Variants in LAPTM5 observed in about 807,000 individuals in gnomAD.
LAPTM5 encodes lysosomal-associated transmembrane protein 5.
In LAPTM5, 11 loss-of-function variants were observed where a neutral mutation model predicts 30.1. That is an observed-to-expected ratio of 0.37 (90% CI 0.23 to 0.60). LAPTM5 has a LOEUF of 0.60. LAPTM5 is among the 20% of genes least tolerant of loss of function. The pLI, the probability that LAPTM5 is intolerant of heterozygous loss-of-function variation, is 0.71. For synonymous variants in LAPTM5, 151 were observed against 137.9 expected, an observed-to-expected ratio of 1.10 and a Z score of -0.67; for missense variants, 324 against 332.5, an observed-to-expected ratio of 0.97 and a Z score of 0.20.
Position 30,733,698 on chromosome 1 carries a change from G to A in LAPTM5, c.*130C>T. ...GCAGGAGGAGCAGGCCAGCGAGGGA[G>A]ACACAAGCAGATTGTCCTGCCAGGG... On this transcript the variant is annotated 3_prime_UTR_variant, in exon 8 of 8. Coordinates refer to ENST00000294507, the MANE Select transcript of LAPTM5 (RefSeq NM_006762.3). 6.5e-6 allele frequency: 10 copies of A among 1,533,516 alleles called. No homozygotes were observed. Among genetic ancestry groups the A allele is most frequent in the Non-Finnish European group, 8.7e-6 (10 of 1,145,366 alleles). 95.0% of individuals were successfully genotyped at this position (1,533,516 alleles called of 1,614,324 possible). A position where few individuals can be genotyped will look rare whatever the true frequency, so the allele number is the denominator to read the frequency against.
chr1:30,752,426 C>T (rs1261675568), intron 1 of LAPTM5, among the ~76,000 whole-genome samples: 1 of 152,222 alleles, frequency 6.6e-6, no homozygotes, highest in Non-Finnish European at 1.5e-5. Context: ...GTGGCCACCC[C>T]TCCTAACCCA....
intron 1 of LAPTM5, among the ~76,000 whole-genome samples, chr1:30,747,097 T>C (rs886898832): frequency 1.3e-5 from 2 of 152,112 alleles, no homozygotes; most frequent in African/African-American, 4.8e-5. Context: ...GGGTCCTTGA[T>C]GAGGGAGAGC....
At position 30,739,781 on chromosome 1, in the gene LAPTM5, C is replaced by T. The variant is rs764434051; in HGVS notation, c.387+28G>A. On this transcript the variant is annotated intron_variant, in intron 4 of 7. Transcript: ENST00000294507. This position sits in a 1 kb window ranked among gnomAD's most constrained non-coding sequence, Gnocchi z 4.2. ...CATGCCAGACCTGGGCTCTGCTGTC[C>T]GGTGAGAGGTGGGGGCTGGGTACTC... is the stretch of plus-strand genomic sequence containing the variant. The T allele has an allele frequency of 4.7e-5, 74 of 1,569,966 alleles. No homozygotes were observed. The highest frequency in any genetic ancestry group is 2.8e-4 in the East Asian group (12 of 42,318).
At chr1:30,735,315 G>A (rs116352948) in intron 6 of LAPTM5, 50 bp from the exon 7 acceptor site, 20,162 of 1,464,352 alleles carry the variant, frequency 0.014, 172 homozygotes, top group Non-Finnish European at 0.015. Flanking sequence ...TCCTTCTCAC[G>A]CTCCAGCAGG....
intron 1 of LAPTM5, among the ~76,000 whole-genome samples, chr1:30,754,408 C>T (rs12117692): frequency 0.16 from 24,511 of 151,994 alleles, 2,559 homozygotes; most frequent in Admixed American, 0.29. Context: ...TGGTGGCATG[C>T]GCCTGTGATC....
At chr1:30,735,112 T>C in intron 7 of LAPTM5, 61 bp downstream of exon 7, 1 of 1,226,164 alleles carries the variant, frequency 8.2e-7, no homozygotes. Flanking sequence ...GGAAGGAAAC[T>C]TGACCCAAAT....
intron 6 of LAPTM5, among the ~76,000 whole-genome samples, chr1:30,736,807 C>A (rs1355580004): frequency 6.6e-6 from 1 of 152,156 alleles, no homozygotes; most frequent in Non-Finnish European, 1.5e-5. Context: ...TTTTTAAAAG[C>A]CCTTCCTTCT....
At position 30,739,369 on chromosome 1, in the gene LAPTM5, G is replaced by A; in HGVS notation, c.388-307C>T. The A allele has an allele frequency of 3.5e-6, 1 of 286,854 alleles. No homozygotes were observed. Among genetic ancestry groups the A allele is most frequent in the Middle Eastern group, 1.1e-3 (1 of 898 alleles). The allele number at this position is 286,854 out of a possible 1,614,324, so 17.8% of individuals were successfully genotyped here. The stretch of plus-strand genomic sequence containing the variant: ...AGCAGGTTTGGGAGACTGTGTCCTT[G>A]ACTGGCAGCAGCCCTCAAGCCACCC... On this transcript the variant is annotated intron_variant, in intron 4 of 7. Coordinates refer to ENST00000294507, the MANE Select transcript of LAPTM5 (RefSeq NM_006762.3). The surrounding 1 kb of genome is among the most constrained non-coding windows in gnomAD (Gnocchi z 4.2).
intron 3 of LAPTM5, among the ~76,000 whole-genome samples, chr1:30,741,005 G>A (rs538883638): frequency 5.3e-5 from 8 of 152,326 alleles, no homozygotes; most frequent in South Asian, 4.1e-4. Context: ...CCCAGGGACC[G>A]CGGGTTCCTC....
chr1:30,752,968 A>G (rs1415699281), intron 1 of LAPTM5, among the ~76,000 whole-genome samples: 1 of 152,046 alleles, frequency 6.6e-6, no homozygotes, highest in Non-Finnish European at 1.5e-5. Flanking sequence ...CATCATGCCC[A>G]GCTAATTTTT....
rs150960790 is a variant in LAPTM5 at position 30,744,627 on chromosome 1, T to C, written c.88-2078A>G. Among the ~76,000 whole-genome samples, 763 of 152,270 alleles carry C rather than the reference T, an allele frequency of 5.0e-3. 1 individual carries two copies. The highest frequency in any genetic ancestry group is 0.014 in the Middle Eastern group (4 of 294). ...TTGCTAGAAGGAGCCTGCATGTACTTGTTTTATAAGCTTCCTCTGCTTGTT... is the reference window on the plus strand; with the variant it reads ...TTGCTAGAAGGAGCCTGCATGTACTCGTTTTATAAGCTTCCTCTGCTTGTT... On this transcript the variant is annotated intron_variant, in intron 1 of 7. Coordinates refer to ENST00000294507, the MANE Select transcript of LAPTM5 (RefSeq NM_006762.3).
At chr1:30,748,092 C>A (rs181689840) in intron 1 of LAPTM5, among the ~76,000 whole-genome samples, 2 of 152,178 alleles carry the variant, frequency 1.3e-5, no homozygotes, top group African/African-American at 4.8e-5. Flanking sequence ...CAGGACCCAC[C>A]GTCTCAGAAG....
chr1:30,749,718 C>A (rs1269768270), intron 1 of LAPTM5, among the ~76,000 whole-genome samples: 3 of 152,102 alleles, frequency 2.0e-5, no homozygotes, highest in East Asian at 1.9e-4. Flanking sequence ...GAAGAAGATT[C>A]CCCGAAAGAG....
chr1:30,741,966 G>A, intron 2 of LAPTM5: 1 of 408,138 alleles, frequency 2.5e-6, no homozygotes, highest in South Asian at 2.9e-5. Context: ...TTCAGCCAGG[G>A]TGAGGCTGAG....
rs1211395534 is a variant in LAPTM5, at chr1:30,735,277, C to T, written c.607-12G>A. On this transcript the variant is annotated splice_polypyrimidine_tract_variant and intron_variant, in intron 6 of 7. Transcript: ENST00000294507. Reference sequence around the variant, plus strand: ...TTGAACATGTAGACCTGGAAAAAGGCCCAGGTCAGGCTGTGCTTTGCTGAG... The same window carrying T: ...TTGAACATGTAGACCTGGAAAAAGGTCCAGGTCAGGCTGTGCTTTGCTGAG... 3 of 1,611,432 alleles carry T rather than the reference C, an allele frequency of 1.9e-6. No homozygotes were observed. The highest frequency in any genetic ancestry group is 3.3e-5 in the Admixed American group (2 of 60,014).
At position 30,746,737 on chromosome 1, in the gene LAPTM5, G is replaced by A. The variant is rs920118766; in HGVS notation, c.88-4188C>T. Among the ~76,000 whole-genome samples the A allele has an allele frequency of 2.6e-5, 4 of 152,146 alleles. No homozygotes were observed. The highest frequency in any genetic ancestry group is 2.4e-5 in the African/African-American group (1 of 41,440). On this transcript the variant is annotated intron_variant, in intron 1 of 7. Coordinates refer to ENST00000294507, the MANE Select transcript of LAPTM5 (RefSeq NM_006762.3). The surrounding 1 kb of genome is among the most constrained non-coding windows in gnomAD (Gnocchi z 4.0). ...GGTCAGATGGCCCCAGGCCCCAGCC[G>A]AGCTCTGCACCCTTGAGCCAGCCAC...
intron 1 of LAPTM5, among the ~76,000 whole-genome samples, chr1:30,747,106 G>T (rs1003957587): frequency 2.6e-5 from 4 of 152,228 alleles, no homozygotes; most frequent in Non-Finnish European, 5.9e-5. Flanking sequence ...ATGAGGGAGA[G>T]CGCATTGCTG....
intron 1 of LAPTM5, 141 bp downstream of exon 1, chr1:30,757,518 A>G (rs1640228500): frequency 4.7e-6 from 4 of 850,382 alleles, no homozygotes; most frequent in Non-Finnish European, 5.8e-6. Context: ...CCAGAGCAGG[A>G]CAGGGATTTG....
rs1305008450 is a variant in LAPTM5, at chr1:30,739,691, A to C, written c.387+118T>G. On this transcript the variant is annotated intron_variant, in intron 4 of 7. Coordinates refer to ENST00000294507, the MANE Select transcript of LAPTM5 (RefSeq NM_006762.3). The surrounding 1 kb of genome is among the most constrained non-coding windows in gnomAD (Gnocchi z 4.2). The stretch of plus-strand genomic sequence containing the variant: ...CAGAGACTGGGTCAAGACACCAGCC[A>C]GGAAGAGGGCTCCTACCCTCCCCAG... 2 of 1,227,848 alleles carry C rather than the reference A, an allele frequency of 1.6e-6. No individual in the cohort carries two copies. The highest frequency in any genetic ancestry group is 3.1e-5 in the African/African-American group (2 of 64,722). 76.1% of individuals were successfully genotyped at this position (1,227,848 alleles called of 1,614,324 possible).
Sources: allele counts gnomAD v4.1 joint callset (sites outside exome capture counted in the v4.1 genomes callset), GRCh38; gene constraint gnomAD v4.1.1; non-coding constraint Gnocchi (gnomAD v3.1); transcripts MANE v1.5; gene names NCBI Gene and HGNC (gene_info 2026-07-23, HGNC 2026-07-21).